PPP3CC: variants seen among roughly 807,000 people sequenced by gnomAD.
PPP3CC encodes serine/threonine-protein phosphatase 2B catalytic subunit gamma isoform.
In PPP3CC, 35 loss-of-function variants were observed where a neutral mutation model predicts 60.3. That is an observed-to-expected ratio of 0.58 (90% CI 0.44 to 0.77). The LOEUF (loss-of-function observed/expected upper bound fraction) is 0.77, where lower values mean the gene tolerates loss of function less well. Ranked by LOEUF, PPP3CC falls within the 30% of genes least tolerant of loss-of-function variation. The pLI, the probability that PPP3CC is intolerant of heterozygous loss-of-function variation, is 0.00. For missense variants in PPP3CC, 570 were observed against 628.9 expected (o/e 0.91, Z 1.00); for synonymous variants, 206 against 224.3 (o/e 0.92, Z 0.73).
intron 3 of PPP3CC, among the ~76,000 whole-genome samples, chr8:22,477,001 A>C (rs1015899005): frequency 6.6e-6 from 1 of 151,926 alleles, no homozygotes; most frequent in South Asian, 2.1e-4. Context: ...AAATGTGAGG[A>C]CAAAAGTTAA....
intron 10 of PPP3CC, among the ~76,000 whole-genome samples, chr8:22,530,211 T>G (rs1041353447): frequency 2.0e-5 from 3 of 152,164 alleles, no homozygotes; most frequent in Non-Finnish European, 4.4e-5. Context: ...CAGTTCTTCT[T>G]GAGGAAATAG....
chr8:22,530,725 G>A (rs189423087), intron 10 of PPP3CC, among the ~76,000 whole-genome samples: 52 of 148,544 alleles, frequency 3.5e-4, no homozygotes, highest in African/African-American at 1.0e-3. Flanking sequence ...CCAGCTACTC[G>A]GGAGGCTGAG....
At chr8:22,485,537 A>C (rs1838199116) in intron 3 of PPP3CC, among the ~76,000 whole-genome samples, 1 of 152,202 alleles carries the variant, frequency 6.6e-6, no homozygotes, top group African/African-American at 2.4e-5. Context: ...TAAGGGAAAA[A>C]GAGGCAACTT....
chr8:22,459,570 A>C (rs917548426), intron 1 of PPP3CC, among the ~76,000 whole-genome samples: 1 of 152,118 alleles, frequency 6.6e-6, no homozygotes, highest in African/African-American at 2.4e-5. Flanking sequence ...ATTATTTGTC[A>C]CATGTTATGC....
intron 6 of PPP3CC, among the ~76,000 whole-genome samples, chr8:22,519,075 A>G (rs960685352): frequency 1.3e-5 from 2 of 152,178 alleles, no homozygotes; most frequent in Non-Finnish European, 2.9e-5. Context: ...GGGCACATAT[A>G]TATTTATAAT....
At chr8:22,519,825 T>G (rs1168921199) in intron 6 of PPP3CC, among the ~76,000 whole-genome samples, 2 of 152,096 alleles carry the variant, frequency 1.3e-5, no homozygotes, top group Admixed American at 1.3e-4. Context: ...TGGCTAATTT[T>G]TTATATTTTT....
intron 1 of PPP3CC, among the ~76,000 whole-genome samples, chr8:22,444,285 G>A (rs1335836857): frequency 1.2e-4 from 18 of 151,284 alleles, no homozygotes; most frequent in Admixed American, 1.2e-3. Context: ...AAACTCATCT[G>A]TAAAATAGGG....
At chr8:22,511,548 G>A (rs1333155348) in intron 5 of PPP3CC, among the ~76,000 whole-genome samples, 1 of 152,126 alleles carries the variant, frequency 6.6e-6, no homozygotes, top group African/African-American at 2.4e-5. Context: ...GGGATTACAG[G>A]TGTGAGCCAC....
Position 22,441,156 on chromosome 8 carries a change from A to C in PPP3CC, c.-254A>C. 1 of 365,692 alleles carries C rather than the reference A, an allele frequency of 2.7e-6. No individual in the cohort carries two copies. The allele number at this position is 365,692 out of a possible 1,614,324, so 22.7% of individuals were successfully genotyped here. The stretch of plus-strand genomic sequence containing the variant: ...TTAGCAGCGGTCGCGGTCGGTGCCG[A>C]AGCGGTGTTCCCCGCCTTAGCCGCT... On this transcript the variant is annotated 5_prime_UTR_variant, in exon 1 of 14. Transcript: ENST00000240139.
intron 1 of PPP3CC, among the ~76,000 whole-genome samples, chr8:22,444,126 C>T (rs907485887): frequency 2.0e-5 from 3 of 151,986 alleles, no homozygotes; most frequent in Admixed American, 2.0e-4. Flanking sequence ...CGTGGTGGCT[C>T]ACACCTGTAA....
chr8:22,452,624 C>T (rs1432989555), intron 1 of PPP3CC, among the ~76,000 whole-genome samples: 1 of 152,102 alleles, frequency 6.6e-6, no homozygotes. Context: ...CATTCTCATG[C>T]CTGGCACTAC....
At chr8:22,533,771 A>T (rs1319084951) in intron 12 of PPP3CC, among the ~76,000 whole-genome samples, 2 of 152,172 alleles carry the variant, frequency 1.3e-5, no homozygotes, top group South Asian at 2.1e-4. Context: ...GTTGCAGTGA[A>T]CCGAGATCGC....
intron 1 of PPP3CC, 90 bp from the exon 2 acceptor site, chr8:22,474,864 T>C (rs965525087): frequency 9.1e-6 from 8 of 875,458 alleles, no homozygotes; most frequent in Non-Finnish European, 1.3e-5. Flanking sequence ...TGGTGATTTA[T>C]TAGGTTTAAT....
At chr8:22,477,917 C>T (rs1449983505) in intron 3 of PPP3CC, among the ~76,000 whole-genome samples, 1 of 152,238 alleles carries the variant, frequency 6.6e-6, no homozygotes, top group Non-Finnish European at 1.5e-5. Flanking sequence ...ATGGCACGAT[C>T]TCGGCCCACC....
chr8:22,539,553 C>G, intron 13 of PPP3CC, 55 bp downstream of exon 13: 2 of 1,541,702 alleles, frequency 1.3e-6, no homozygotes, highest in East Asian at 2.3e-5. Context: ...ACTGGTTTTT[C>G]GAAGCTTTAT....
At chr8:22,473,897 T>C (rs1311013002) in intron 1 of PPP3CC, among the ~76,000 whole-genome samples, 1 of 152,158 alleles carries the variant, frequency 6.6e-6, no homozygotes, top group African/African-American at 2.4e-5. Flanking sequence ...TATTCTGTTT[T>C]GTTTTGTTTT....
chr8:22,513,433 G>A lies in PPP3CC; in HGVS notation c.770+1G>A. The A allele has an allele frequency of 6.3e-7, 1 of 1,584,774 alleles. No homozygotes were observed. The highest frequency in any genetic ancestry group is 8.5e-7 in the Non-Finnish European group (1 of 1,170,202). On this transcript the variant is annotated splice_donor_variant, in intron 6 of 13. Coordinates refer to ENST00000240139, the MANE Select transcript of PPP3CC (RefSeq NM_005605.5). LOFTEE classifies it high-confidence loss of function. The stretch of plus-strand genomic sequence containing the variant: ...TCCGAGGGTGCTCTTATTTCTACAG[G>A]TAAGCTAGTCCTTGAGGTCGAAAAT...
intron 3 of PPP3CC, among the ~76,000 whole-genome samples, chr8:22,478,359 C>G (rs1238875606): frequency 6.6e-6 from 1 of 152,042 alleles, no homozygotes. Context: ...ACCATCTTGG[C>G]CAGGCTGGTC....
chr8:22,485,331 C>T lies in PPP3CC; in HGVS notation c.372+9707C>T, dbSNP rs569929989. 2.0e-5 allele frequency among the ~76,000 whole-genome samples: 3 copies of T among 152,228 alleles called. No homozygotes were observed. The South Asian group carries it at 6.2e-4, about 32-fold the overall frequency. On this transcript the variant is annotated intron_variant, in intron 3 of 13. Coordinates refer to ENST00000240139, the MANE Select transcript of PPP3CC (RefSeq NM_005605.5). ...TCCAACTGAAAGAAAAAAGAGAGAT[C>T]CCAAGGCCTCAACCCAAAGGGAAAA...
Sources: allele counts gnomAD v4.1 joint callset (sites outside exome capture counted in the v4.1 genomes callset), GRCh38; gene constraint gnomAD v4.1.1; transcripts MANE v1.5; gene names NCBI Gene and HGNC (gene_info 2026-07-23, HGNC 2026-07-21).